Variants in SLC10A7 observed in about 807,000 individuals in gnomAD.
The protein encoded by SLC10A7 is sodium/bile acid cotransporter 7.
Under a neutral mutation model 43.2 loss-of-function variants are expected in SLC10A7, and 29 were observed. The observed-to-expected ratio is 0.67, with a 90% CI of 0.50 to 0.92. The LOEUF is 0.92. SLC10A7 is among the 40% of genes least tolerant of loss of function. SLC10A7 has a pLI of 0.00. For missense variants in SLC10A7, 295 were observed against 403.2 expected, an observed-to-expected ratio of 0.73 and a Z score of 2.30; for synonymous variants, 152 against 144.8, an observed-to-expected ratio of 1.05 and a Z score of -0.35.
At chr4:146,273,154 A>G (rs1218284102) in intron 10 of SLC10A7, among the ~76,000 whole-genome samples, 1 of 152,194 alleles carries the variant, frequency 6.6e-6, no homozygotes, top group East Asian at 1.9e-4. Flanking sequence ...CAAGGATTCA[A>G]TATACTGTGA....
intron 5 of SLC10A7, among the ~76,000 whole-genome samples, chr4:146,383,509 C>G (rs953445676): frequency 6.6e-6 from 1 of 152,196 alleles, no homozygotes; most frequent in African/African-American, 2.4e-5. Context: ...TTTAAGCCCC[C>G]AGAAAATTCT....
intron 5 of SLC10A7, among the ~76,000 whole-genome samples, chr4:146,346,382 T>C (rs1387573440): frequency 6.6e-6 from 1 of 152,152 alleles, no homozygotes; most frequent in Non-Finnish European, 1.5e-5. Flanking sequence ...TCTGAAGGTA[T>C]GAGGGCAGCC....
intron 5 of SLC10A7, among the ~76,000 whole-genome samples, chr4:146,339,631 GCTTC>G (rs1734117730): frequency 6.6e-6 from 1 of 151,858 alleles, no homozygotes; most frequent in African/African-American, 2.4e-5. Context: ...GTATGCAGTT[GCTTC>G]CTTCCCTATC....
chr4:146,331,448 G>A (rs1260935910), intron 5 of SLC10A7, among the ~76,000 whole-genome samples: 2 of 152,082 alleles, frequency 1.3e-5, no homozygotes, highest in Non-Finnish European at 1.5e-5. Flanking sequence ...CAATAACTAT[G>A]GTTTTATTGC....
At chr4:146,329,689 T>G (rs1196884869) in intron 5 of SLC10A7, among the ~76,000 whole-genome samples, 1 of 152,188 alleles carries the variant, frequency 6.6e-6, no homozygotes, top group Non-Finnish European at 1.5e-5. Flanking sequence ...TTTGATAACA[T>G]AAAACAAATT....
At chr4:146,477,106 T>C (rs1734094186) in intron 4 of SLC10A7, among the ~76,000 whole-genome samples, 1 of 152,244 alleles carries the variant, frequency 6.6e-6, no homozygotes, top group African/African-American at 2.4e-5. Context: ...AAAGAAGCCT[T>C]GACCACTACA....
intron 5 of SLC10A7, among the ~76,000 whole-genome samples, chr4:146,386,896 C>A (rs575647242): frequency 6.6e-6 from 1 of 152,294 alleles, no homozygotes; most frequent in Admixed American, 6.5e-5. Context: ...ATAGCAAGTT[C>A]TATTTTTCAT....
At chr4:146,415,938 C>T (rs73852842) in intron 5 of SLC10A7, among the ~76,000 whole-genome samples, 2,578 of 152,272 alleles carry the variant, frequency 0.017, 84 homozygotes, top group African/African-American at 0.059. Flanking sequence ...GCTCCCTAGC[C>T]TCTATCTTGC....
intron 10 of SLC10A7, among the ~76,000 whole-genome samples, chr4:146,273,801 C>G (rs1729039568): frequency 6.6e-6 from 1 of 152,036 alleles, no homozygotes; most frequent in Non-Finnish European, 1.5e-5. Flanking sequence ...GGAACTGAAA[C>G]TCCCTCCCGC....
intron 5 of SLC10A7, among the ~76,000 whole-genome samples, chr4:146,433,646 G>A (rs1000330803): frequency 1.3e-5 from 2 of 151,848 alleles, no homozygotes; most frequent in African/African-American, 2.4e-5. Flanking sequence ...TGGGAGGATC[G>A]CTTGAGCTCA....
At chr4:146,440,595 C>G (rs573079454) in intron 5 of SLC10A7, among the ~76,000 whole-genome samples, 2 of 152,172 alleles carry the variant, frequency 1.3e-5, no homozygotes, top group East Asian at 3.9e-4. Context: ...ATTTTTTTCT[C>G]TTAAGCCAAA....
chr4:146,261,526 A>G (rs1728222199), intron 10 of SLC10A7, among the ~76,000 whole-genome samples: 1 of 152,154 alleles, frequency 6.6e-6, no homozygotes, highest in African/African-American at 2.4e-5. Context: ...CCTGTATTCA[A>G]AGGGTGATTT....
chr4:146,328,994 A>C (rs1733349823), intron 5 of SLC10A7, among the ~76,000 whole-genome samples: 1 of 152,234 alleles, frequency 6.6e-6, no homozygotes, highest in Non-Finnish European at 1.5e-5. Flanking sequence ...CCTGAAAAAG[A>C]ATTCAACATA....
At chr4:146,483,532 CAAAG>C (rs1418980808) in intron 4 of SLC10A7, among the ~76,000 whole-genome samples, 3 of 151,228 alleles carry the variant, frequency 2.0e-5, no homozygotes, top group Non-Finnish European at 4.4e-5. Context: ...GATCAAATCA[CAAAG>C]GAAGACAAGA....
chr4:146,445,487 C>T (rs1730974463), intron 4 of SLC10A7, among the ~76,000 whole-genome samples: 1 of 152,170 alleles, frequency 6.6e-6, no homozygotes, highest in South Asian at 2.1e-4. Flanking sequence ...CTCTGCCATC[C>T]AGGAGGGGGT....
chr4:146,517,936 G>A (rs1738172553), intron 1 of SLC10A7, among the ~76,000 whole-genome samples: 1 of 152,114 alleles, frequency 6.6e-6, no homozygotes, highest in Non-Finnish European at 1.5e-5. Flanking sequence ...ATGTGAATAA[G>A]ATAATGCATA....
chr4:146,491,411 T>A (rs1484535634), intron 4 of SLC10A7, among the ~76,000 whole-genome samples: 4 of 152,022 alleles, frequency 2.6e-5, no homozygotes, highest in Non-Finnish European at 4.4e-5. Flanking sequence ...ATGGCAAATA[T>A]CCATTAAAGT....
At chr4:146,395,590 G>A (rs1378366518) in intron 5 of SLC10A7, among the ~76,000 whole-genome samples, 1 of 152,174 alleles carries the variant, frequency 6.6e-6, no homozygotes, top group Non-Finnish European at 1.5e-5. Flanking sequence ...ACAAATAAAT[G>A]ACATGGCTGC....
chr4:146,468,513 A>G (rs1182367323), intron 4 of SLC10A7, among the ~76,000 whole-genome samples: 1 of 145,108 alleles, frequency 6.9e-6, no homozygotes, highest in African/African-American at 2.6e-5. Context: ...TCTGTTGCCC[A>G]GGCTGGAGTG....
Sources: gnomAD v4.1 joint callset for allele counts (sites outside exome capture counted in the v4.1 genomes callset) on GRCh38, gnomAD v4.1.1 for gene constraint, MANE v1.5 for transcripts, NCBI Gene and HGNC (gene_info 2026-07-23, HGNC 2026-07-21) for gene names.